ACOT1: variants seen among roughly 807,000 people sequenced by gnomAD.
The protein encoded by ACOT1 is acyl-CoA thioesterase 1, also known as acyl-coenzyme A thioesterase 1.
In ACOT1, 8 loss-of-function variants were observed where a neutral mutation model predicts 15.7. That is an observed-to-expected ratio of 0.51 (90% confidence interval 0.30 to 0.92). The LOEUF (loss-of-function observed/expected upper bound fraction) is 0.92. Ranked by LOEUF, ACOT1 falls within the 40% of genes least tolerant of loss-of-function variation. The pLI is 0.06. For synonymous variants in ACOT1, 67 were observed against 241.2 expected, an observed-to-expected ratio of 0.28 and a Z score of 6.69; for missense variants, 151 against 539.4, an observed-to-expected ratio of 0.28 and a Z score of 7.13.
At chr14:73,498,437 C>CAAAAGGGAAGGTATT in the ACOT1 span, 1 of 1,100,870 alleles carries the variant, frequency 9.1e-7, no homozygotes, top group Non-Finnish European at 1.3e-6. Context: ...CAATACCTTC[C>CAAAAGGGAAGGTATT]CTTTTGGATG....
chr14:73,528,376 G>C, the ACOT1 span, among the ~76,000 whole-genome samples: 3 of 112,064 alleles, frequency 2.7e-5, no homozygotes, highest in Admixed American at 1.2e-4. Context: ...TGGACGACAA[G>C]AGCGAAACTT....
chr14:73,492,263 C>T, the ACOT1 span: 2 of 1,614,056 alleles, frequency 1.2e-6, no homozygotes, highest in Non-Finnish European at 1.7e-6. The surrounding 1 kb of genome is among the most constrained non-coding windows in gnomAD (Gnocchi z 4.9). Flanking sequence ...AGTCCACTCT[C>T]TGCACCTCAC....
At chr14:73,512,282 G>C in the ACOT1 span, 4 of 961,666 alleles carry the variant, frequency 4.2e-6, no homozygotes, top group South Asian at 1.7e-5. Flanking sequence ...AGAATAAAGG[G>C]CCCAGAGATG....
the ACOT1 span, chr14:73,530,930 C>T: frequency 2.0e-5 from 2 of 101,930 alleles, 1 homozygote; most frequent in Non-Finnish European, 4.2e-5. Flanking sequence ...TGAGCCACTG[C>T]ACCAGGCCTA....
the ACOT1 span, among the ~76,000 whole-genome samples, chr14:73,496,108 C>T: frequency 2.1e-4 from 32 of 151,886 alleles, no homozygotes; most frequent in African/African-American, 6.5e-4. Context: ...CCAGCCTGGG[C>T]GACAGAGCGA....
the ACOT1 span, chr14:73,508,094 G>A: frequency 1.3e-6 from 2 of 1,589,306 alleles, no homozygotes; most frequent in African/African-American, 2.7e-5. Context: ...AGACCTAATT[G>A]CTCCCCAAAA....
At chr14:73,517,683 AAG>A in the ACOT1 span, among the ~76,000 whole-genome samples, 44 of 93,596 alleles carry the variant, frequency 4.7e-4, no homozygotes, top group Non-Finnish European at 8.2e-4. Flanking sequence ...AAAAAAAAAG[AAG>A]AAGAAAAGAG....
chr14:73,510,960 A>C, the ACOT1 span, among the ~76,000 whole-genome samples: 5 of 152,158 alleles, frequency 3.3e-5, no homozygotes, highest in Non-Finnish European at 7.3e-5. Flanking sequence ...TTTATATTTC[A>C]CTTATAGCTC....
chr14:73,528,638 G>A, the ACOT1 span, among the ~76,000 whole-genome samples: 18 of 152,248 alleles, frequency 1.2e-4, 1 homozygote, highest in African/African-American at 3.1e-4. Flanking sequence ...TTTAAAATCT[G>A]TAGTTTCCCA....
chr14:73,493,022 A>G, the ACOT1 span: 1 of 1,542,082 alleles, frequency 6.5e-7, no homozygotes. Context: ...TTTTCCTTAA[A>G]CTCACGTTCT....
chr14:73,520,740 G>A, the ACOT1 span: 2 of 985,014 alleles, frequency 2.0e-6, no homozygotes, highest in Admixed American at 4.6e-5. Flanking sequence ...GAAAACCTGG[G>A]TCATCCAGGG....
At chr14:73,520,712 G>A in the ACOT1 span, 1 of 737,038 alleles carries the variant, frequency 1.4e-6, no homozygotes. Context: ...GCTAGTGTGG[G>A]TGCTGGGTCA....
chr14:73,520,923 C>A, the ACOT1 span: 1 of 1,613,930 alleles, frequency 6.2e-7, no homozygotes, highest in Non-Finnish European at 8.5e-7. Context: ...AGTCACCTGG[C>A]GAAAGTAGCT....
At chr14:73,491,577 G>T in the ACOT1 span, 1 of 1,542,862 alleles carries the variant, frequency 6.5e-7, no homozygotes. Flanking sequence ...CCGCTGCGGC[G>T]CGTCTTGGCC....
At chr14:73,529,808 C>T in the ACOT1 span, among the ~76,000 whole-genome samples, 1 of 151,574 alleles carries the variant, frequency 6.6e-6, no homozygotes, top group Admixed American at 6.6e-5. Context: ...AAAGAAAAGA[C>T]TAAAAAGCAA....
At position 73,542,995 on chromosome 14, in the gene ACOT1, A is replaced by G; in HGVS notation, c.661-55A>G. The G allele has an allele frequency of 1.6e-6, 2 of 1,240,266 alleles. 1 individual carries two copies. Among genetic ancestry groups the G allele is most frequent in the East Asian group, 1.5e-4 (2 of 12,948 alleles). 76.8% of individuals were successfully genotyped at this position (1,240,266 alleles called of 1,614,324 possible). A position where few individuals can be genotyped will look rare whatever the true frequency, so the allele number is the denominator to read the frequency against. On this transcript the variant is annotated intron_variant, in intron 2 of 2. Transcript: ENST00000311148. ...ACTTCCAGGGTGGGCACAACTCACC[A>G]TATTCCACTGTTTGTGGAGCCATTC...
At chr14:73,534,916 G>T (rs1385016199), upstream of ACOT1, among the ~76,000 whole-genome samples, 70 of 110,172 alleles carry the variant, frequency 6.4e-4, 20 homozygotes, top group African/African-American at 1.8e-3. Context: ...CTAACAGCTG[G>T]AACTACAGGC....
chr14:73,496,959 C>T, the ACOT1 span, among the ~76,000 whole-genome samples: 2 of 152,154 alleles, frequency 1.3e-5, no homozygotes, highest in South Asian at 2.1e-4. Flanking sequence ...GGCACGATCT[C>T]GTCTCGGCTC....
chr14:73,513,485 G>A, the ACOT1 span, among the ~76,000 whole-genome samples: 3 of 151,226 alleles, frequency 2.0e-5, no homozygotes, highest in Admixed American at 1.3e-4. Context: ...GGGCTGGCGC[G>A]GTGGCCAAGG....
Sources: gnomAD v4.1 joint callset for allele counts (sites outside exome capture counted in the v4.1 genomes callset) on GRCh38, gnomAD v4.1.1 for gene constraint, Gnocchi (gnomAD v3.1) non-coding constraint, MANE v1.5 for transcripts, NCBI Gene and HGNC (gene_info 2026-07-23, HGNC 2026-07-21) for gene names.